Variants in CCDC6 observed in about 807,000 individuals in gnomAD.
The protein encoded by CCDC6 is coiled-coil domain-containing protein 6.
A neutral mutation model predicts 56.6 loss-of-function variants in CCDC6; 20 were observed. The observed-to-expected ratio is 0.35, with a 90% CI of 0.25 to 0.51. The LOEUF (loss-of-function observed/expected upper bound fraction) is 0.51, where lower values mean the gene tolerates loss of function less well. Ranked by LOEUF, CCDC6 falls within the 20% of genes least tolerant of loss-of-function variation. CCDC6 has a pLI of 0.95. For missense variants in CCDC6, 367 were observed against 601.1 expected (o/e 0.61, Z 4.07); for synonymous variants, 241 against 234.4 (o/e 1.03, Z -0.26).
In CCDC6 at chr10:59,790,996, C is replaced by G. The variant is rs2070462767; in HGVS notation, c.*1921G>C. On this transcript the variant is annotated 3_prime_UTR_variant, in exon 9 of 9. Coordinates refer to ENST00000263102, the MANE Select transcript of CCDC6 (RefSeq NM_005436.5). ...TTTCTCCTATAAGAAAAACTGAGAA[C>G]TGTACCATGAAGGCAAAATTTGTTT... is the stretch of plus-strand genomic sequence containing the variant. The G allele has an allele frequency of 2.9e-5, 6 of 204,816 alleles. No individual in the cohort carries two copies. The Admixed American group carries it at 3.6e-4, about 12-fold the overall frequency. The allele number at this position is 204,816 out of a possible 1,614,324, so 12.7% of individuals were successfully genotyped here. A position where few individuals can be genotyped will look rare whatever the true frequency, so the allele number is the denominator to read the frequency against.
chr10:59,883,469 C>T (rs1358434666), intron 1 of CCDC6, among the ~76,000 whole-genome samples: 1 of 152,182 alleles, frequency 6.6e-6, no homozygotes, highest in Admixed American at 6.5e-5. Flanking sequence ...TTCATGGCAG[C>T]CATCATCTCC....
chr10:59,851,544 T>C (rs1360565427), intron 2 of CCDC6, among the ~76,000 whole-genome samples: 1 of 152,200 alleles, frequency 6.6e-6, no homozygotes, highest in Non-Finnish European at 1.5e-5. Flanking sequence ...GAACATGTTA[T>C]GGTCTTAACA....
At chr10:59,860,785 C>G (rs1044446194) in intron 1 of CCDC6, among the ~76,000 whole-genome samples, 1 of 152,134 alleles carries the variant, frequency 6.6e-6, no homozygotes, top group East Asian at 1.9e-4. Context: ...CGATGGCTTA[C>G]GTCTGTAATC....
intron 3 of CCDC6, among the ~76,000 whole-genome samples, chr10:59,815,744 C>T (rs189586088): frequency 6.6e-6 from 1 of 152,278 alleles, no homozygotes; most frequent in East Asian, 1.9e-4. Context: ...TTTCTTCAAC[C>T]AGTGGCAATT....
intron 1 of CCDC6, among the ~76,000 whole-genome samples, chr10:59,895,760 G>A (rs867226712): frequency 2.6e-5 from 4 of 152,154 alleles, no homozygotes; most frequent in Non-Finnish European, 4.4e-5. Flanking sequence ...TAACCCTTTC[G>A]AAGGTCATGC....
intron 1 of CCDC6, among the ~76,000 whole-genome samples, chr10:59,883,893 T>C (rs189538836): frequency 6.6e-6 from 1 of 152,312 alleles, no homozygotes; most frequent in Non-Finnish European, 1.5e-5. Flanking sequence ...ACCCTCAAGT[T>C]TGACAGAAAG....
rs146237484 is a variant in CCDC6 at position 59,862,501 on chromosome 10, G to GTATATATATATATATATATATATATA, written c.304-9800_304-9799insTATATATATATATATATATATATATA. 2.0e-4 allele frequency among the ~76,000 whole-genome samples: 17 copies of GTATATATATATATATATATATATATA among 85,046 alleles called. 1 individual carries two copies. The highest frequency in any genetic ancestry group is 8.4e-4 in the African/African-American group (14 of 16,678). The allele number at this position is 85,046 out of a possible 152,430, so 55.8% of individuals were successfully genotyped here. On this transcript the variant is annotated intron_variant, in intron 1 of 8. Coordinates refer to ENST00000263102, the MANE Select transcript of CCDC6 (RefSeq NM_005436.5). ...AGGTTCTGTCTCAAGAAAAAAAAAA[G>GTATATATATATATATATATATATATA]TATATATATATATATACACACACAC...
Position 59,789,665 on chromosome 10 carries a change from T to C in CCDC6, c.*3252A>G. The C allele has an allele frequency of 4.5e-6, 1 of 223,760 alleles. No homozygotes were observed. Among genetic ancestry groups the C allele is most frequent in the East Asian group, 6.5e-5 (1 of 15,294 alleles). The allele number at this position is 223,760 out of a possible 1,614,324, so 13.9% of individuals were successfully genotyped here. On this transcript the variant is annotated 3_prime_UTR_variant, in exon 9 of 9. Transcript: ENST00000263102. ...CAGTGTTGGTTACCTATAAGACAAG[T>C]ACTAGACAGAAGATCAAGTTACACA... is the stretch of plus-strand genomic sequence containing the variant.
rs533595607 is a variant in CCDC6, at chr10:59,847,057, A to T, written c.453+5496T>A. ...AAGAGTTTGCCAGGGGAATTAGAAA[A>T]TTTTTTTTTTTTTGAGACGGAGTCT... On this transcript the variant is annotated intron_variant, in intron 2 of 8. Transcript: ENST00000263102. Among the ~76,000 whole-genome samples the T allele has an allele frequency of 6.3e-4, 94 of 149,518 alleles. 1 individual carries two copies. The East Asian group carries it at 0.014, about 22-fold the overall frequency.
chr10:59,906,387 G>A lies in CCDC6; in HGVS notation c.38C>T (p.Ala13Val), dbSNP rs770350659. The A allele has an allele frequency of 3.2e-6, 5 of 1,585,510 alleles. No individual in the cohort carries two copies. The highest frequency in any genetic ancestry group is 2.0e-4 in the Middle Eastern group (1 of 5,096). The change falls in exon 1 of 9, where the codon GCG (alanine) becomes GTG (valine). Residue 13 changes from alanine to valine, a missense_variant. Physicochemically the swap from Ala to Val is moderately conservative, Grantham distance 64. This residue lies in a region of CCDC6 where 79 missense variants were observed against 74.9 expected (regional missense o/e 1.05). Coordinates refer to ENST00000263102, the MANE Select transcript of CCDC6 (RefSeq NM_005436.5). ...DSASESDTDG[A>V]GGNSSSSAAM... Reference sequence around the variant, plus strand: ...GGCCGAGCTGCTGCTGTTGCCCCCCGCCCCGTCCGTGTCGCTCTCGCTGGC... The same window carrying A: ...GGCCGAGCTGCTGCTGTTGCCCCCCACCCCGTCCGTGTCGCTCTCGCTGGC...
At chr10:59,856,909 A>T (rs2071084549) in intron 1 of CCDC6, among the ~76,000 whole-genome samples, 1 of 152,238 alleles carries the variant, frequency 6.6e-6, no homozygotes, top group Non-Finnish European at 1.5e-5. Flanking sequence ...TTGAAGGAAG[A>T]AACATTTTCC....
chr10:59,893,494 A>G (rs777607629), intron 1 of CCDC6, among the ~76,000 whole-genome samples: 20 of 152,090 alleles, frequency 1.3e-4, no homozygotes, highest in Non-Finnish European at 2.1e-4. Flanking sequence ...GGTCTCAGCA[A>G]TTCAGGAGGC....
intron 1 of CCDC6, among the ~76,000 whole-genome samples, chr10:59,876,210 G>A (rs548152086): frequency 1.1e-3 from 169 of 151,374 alleles, no homozygotes; most frequent in East Asian, 9.8e-4. Context: ...TACCATGCCC[G>A]GCTAGTTTTT....
At chr10:59,852,817 C>G in intron 1 of CCDC6, 115 bp from the exon 2 acceptor site, 2 of 806,744 alleles carry the variant, frequency 2.5e-6, no homozygotes, top group Non-Finnish European at 3.6e-6. Context: ...TTAAATAGAG[C>G]TCTATTTTTA....
intron 1 of CCDC6, among the ~76,000 whole-genome samples, chr10:59,873,892 C>T (rs950511845): frequency 6.6e-6 from 1 of 151,970 alleles, no homozygotes; most frequent in Non-Finnish European, 1.5e-5. Flanking sequence ...TAAAACAATC[C>T]AAGTACATCT....
intron 3 of CCDC6, among the ~76,000 whole-genome samples, chr10:59,817,824 G>A (rs2070720026): frequency 6.6e-6 from 1 of 152,198 alleles, no homozygotes; most frequent in Non-Finnish European, 1.5e-5. Context: ...GATGATGCCT[G>A]TGGTCCCTTT....
intron 1 of CCDC6, among the ~76,000 whole-genome samples, chr10:59,870,217 G>T (rs2071216557): frequency 6.6e-6 from 1 of 152,052 alleles, no homozygotes. Context: ...TTAACATATG[G>T]GCAACTCATT....
At chr10:59,905,446 C>T (rs2071535630) in intron 1 of CCDC6, among the ~76,000 whole-genome samples, 1 of 152,224 alleles carries the variant, frequency 6.6e-6, no homozygotes, top group African/African-American at 2.4e-5. Flanking sequence ...GGCCCCAGCC[C>T]TGTCCAGGCG....
chr10:59,792,384 AAT>A lies in CCDC6; in HGVS notation c.*531_*532del. On this transcript the variant is annotated 3_prime_UTR_variant, in exon 9 of 9. Transcript: ENST00000263102. ...CTGTAGAAAGTTCTGTTAAACAGAAAATATGTCTTGGGCACTGATTCATCTAA... is the reference window on the plus strand; with the variant it reads ...CTGTAGAAAGTTCTGTTAAACAGAAAATGTCTTGGGCACTGATTCATCTAA... 2.5e-6 allele frequency: 1 copy of A among 400,766 alleles called. No homozygotes were observed. Among genetic ancestry groups the A allele is most frequent in the Non-Finnish European group, 4.7e-6 (1 of 212,040 alleles). 24.8% of individuals were successfully genotyped at this position (400,766 alleles called of 1,614,324 possible).
Sources: allele counts gnomAD v4.1 joint callset (sites outside exome capture counted in the v4.1 genomes callset), GRCh38; gene constraint gnomAD v4.1.1; regional missense constraint gnomAD v4.1.1; transcripts MANE v1.5; gene names NCBI Gene and HGNC (gene_info 2026-07-23, HGNC 2026-07-21).